The following DCLK1 variants were observed in gnomAD, a reference collection of about 807,000 sequenced individuals.
DCLK1 encodes serine/threonine-protein kinase DCLK1.
A neutral mutation model predicts 86.2 loss-of-function variants in DCLK1; 16 were observed. The observed-to-expected ratio is 0.19, with a 90% CI of 0.13 to 0.28. The LOEUF is 0.28. Ranked by LOEUF, DCLK1 falls within the 10% of genes least tolerant of loss-of-function variation. The pLI, the probability that DCLK1 is intolerant of heterozygous loss-of-function variation, is 1.00. For synonymous variants in DCLK1, 369 were observed against 370.5 expected, an observed-to-expected ratio of 1.00 and a Z score of 0.05; for missense variants, 590 against 940.2, an observed-to-expected ratio of 0.63 and a Z score of 4.87.
chr13:35,832,038 G>A (rs199960869), intron 8 of DCLK1, among the ~76,000 whole-genome samples: 9 of 152,180 alleles, frequency 5.9e-5, no homozygotes, highest in South Asian at 4.1e-4. Context: ...CACACCTGTC[G>A]TCCCAGCATT....
chr13:36,125,988 GAGCGTCTGC>G lies in DCLK1; in HGVS notation c.141_149del (p.Gln48_Leu50del). 1.2e-6 allele frequency: 2 copies of G among 1,614,176 alleles called. No individual in the cohort carries two copies. Among genetic ancestry groups the G allele is most frequent in the Non-Finnish European group, 1.7e-6 (2 of 1,180,038 alleles). ...CTTTCTTGGCCTTCTTCTCGGAGCTGAGCGTCTGCAGCGTGCGGGTGCGGTAGAAGCTGC... is the reference window on the plus strand; with the variant it reads ...CTTTCTTGGCCTTCTTCTCGGAGCTGAGCGTGCGGGTGCGGTAGAAGCTGC... On this transcript the variant is annotated inframe_deletion, in exon 2 of 17. Transcript: ENST00000360631.
intron 3 of DCLK1, among the ~76,000 whole-genome samples, chr13:35,996,122 C>T (rs1385526507): frequency 6.6e-6 from 1 of 151,976 alleles, no homozygotes; most frequent in East Asian, 1.9e-4. Flanking sequence ...AGAGACGGGG[C>T]TTCACCATGT....
chr13:35,794,133 A>C (rs1197891914), intron 15 of DCLK1, among the ~76,000 whole-genome samples: 1 of 152,254 alleles, frequency 6.6e-6, no homozygotes, highest in African/African-American at 2.4e-5. Context: ...CTGAGGCTGG[A>C]CACATGGTTC....
chr13:35,854,410 G>A, intron 6 of DCLK1, 89 bp downstream of exon 6: 1 of 1,056,102 alleles, frequency 9.5e-7, no homozygotes, highest in Non-Finnish European at 1.3e-6. Context: ...ATATCGCCTA[G>A]AGACGAGCAG....
chr13:35,865,301 T>C (rs1871712222), intron 5 of DCLK1, among the ~76,000 whole-genome samples: 1 of 151,734 alleles, frequency 6.6e-6, no homozygotes, highest in Admixed American at 6.6e-5. Flanking sequence ...AGATCTGTGT[T>C]CCAAATATAT....
At chr13:36,119,974 G>C (rs1026962949) in intron 2 of DCLK1, among the ~76,000 whole-genome samples, 13 of 152,168 alleles carry the variant, frequency 8.5e-5, no homozygotes, top group African/African-American at 3.1e-4. Context: ...TCCTATCTCT[G>C]TGATACTTGT....
In DCLK1 at chr13:36,111,962, A is replaced by C; in HGVS notation, c.630T>G (p.Ala210=). ...CGGTGAGGACCTGCTCAAAGGAATG[A>C]GCCGTTTTCTTGTTCAGCAGAATCC... ...AVRILLNKKT[A]HSFEQVLTDI... Residue 210 remains alanine, a synonymous_variant, in exon 3 of 17, where the codon GCT becomes GCG. Transcript: ENST00000360631. 1 of 1,614,234 alleles carries C rather than the reference A, an allele frequency of 6.2e-7. No individual in the cohort carries two copies. The highest frequency in any genetic ancestry group is 8.5e-7 in the Non-Finnish European group (1 of 1,180,048).
intron 4 of DCLK1, among the ~76,000 whole-genome samples, chr13:35,920,005 C>T (rs1392587846): frequency 6.6e-6 from 1 of 151,958 alleles, no homozygotes; most frequent in Non-Finnish European, 1.5e-5. Flanking sequence ...GCAATTTTCC[C>T]CTTCAAGTCC....
intron 3 of DCLK1, among the ~76,000 whole-genome samples, chr13:36,016,535 A>G (rs1398274797): frequency 6.6e-6 from 1 of 152,156 alleles, no homozygotes; most frequent in Non-Finnish European, 1.5e-5. Flanking sequence ...AGCACAGCCA[A>G]TAATTACCAA....
chr13:35,790,705 ATATTAAAT>A (rs1448869122), intron 16 of DCLK1, among the ~76,000 whole-genome samples: 3 of 152,208 alleles, frequency 2.0e-5, no homozygotes, highest in Admixed American at 6.5e-5. Context: ...ATTAATCATT[ATATTAAAT>A]TATTAAATTA....
At chr13:35,833,405 G>A (rs1224937659) in intron 8 of DCLK1, among the ~76,000 whole-genome samples, 2 of 152,040 alleles carry the variant, frequency 1.3e-5, no homozygotes, top group East Asian at 1.9e-4. Context: ...TTTGCTATGG[G>A]GCCTCAAAAT....
chr13:35,896,534 A>G (rs9531161), intron 4 of DCLK1, among the ~76,000 whole-genome samples: 2 of 51,194 alleles, frequency 3.9e-5, no homozygotes, highest in African/African-American at 1.2e-4. Context: ...GCAAAATTCC[A>G]CCTCAAAAAA....
At chr13:35,853,228 T>C (rs1414541777) in intron 6 of DCLK1, among the ~76,000 whole-genome samples, 2 of 152,076 alleles carry the variant, frequency 1.3e-5, no homozygotes, top group Non-Finnish European at 2.9e-5. Flanking sequence ...CAAATGGAGG[T>C]AGAATGGAAT....
At chr13:35,845,939 G>GT (rs1391722241) in intron 6 of DCLK1, 1 of 985,252 alleles carries the variant, frequency 1.0e-6, no homozygotes, top group South Asian at 4.7e-5. Flanking sequence ...TTCTAAGGTG[G>GT]TAAGTGTCAC....
At position 35,770,229 on chromosome 13, in the gene DCLK1, T is replaced by G. The variant is rs955116181; in HGVS notation, c.*4306A>C. The G allele has an allele frequency of 6.6e-6, 1 of 152,236 alleles. No homozygotes were observed. The highest frequency in any genetic ancestry group is 1.5e-5 in the Non-Finnish European group (1 of 68,042). 9.4% of individuals were successfully genotyped at this position (152,236 alleles called of 1,614,324 possible). On this transcript the variant is annotated 3_prime_UTR_variant, in exon 17 of 17. Coordinates refer to ENST00000360631, the MANE Select transcript of DCLK1 (RefSeq NM_001330071.2). ...GTTACCGTTTCATGTGTAAGCACCATTGAACCAATTTTTAAAGCACATTTG... is the reference window on the plus strand; with the variant it reads ...GTTACCGTTTCATGTGTAAGCACCAGTGAACCAATTTTTAAAGCACATTTG...
intron 1 of DCLK1, among the ~76,000 whole-genome samples, chr13:36,126,579 G>T (rs1886197542): frequency 6.6e-6 from 1 of 152,084 alleles, no homozygotes; most frequent in Non-Finnish European, 1.5e-5. Flanking sequence ...GATTTCAAAG[G>T]GTCTGCTTCA....
At chr13:36,111,169 G>A (rs1401511791) in intron 3 of DCLK1, among the ~76,000 whole-genome samples, 4 of 151,870 alleles carry the variant, frequency 2.6e-5, no homozygotes, top group Admixed American at 1.3e-4. Flanking sequence ...CACCATCAAG[G>A]TTCTGTCAAA....
At chr13:35,940,707 T>C (rs769723060) in intron 4 of DCLK1, among the ~76,000 whole-genome samples, 20 of 152,280 alleles carry the variant, frequency 1.3e-4, no homozygotes, top group Non-Finnish European at 2.5e-4. Flanking sequence ...CTTCTAGAGA[T>C]TCCCTCCAGA....
At chr13:36,130,200 C>T (rs1886316172) in intron 1 of DCLK1, among the ~76,000 whole-genome samples, 1 of 152,176 alleles carries the variant, frequency 6.6e-6, no homozygotes, top group African/African-American at 2.4e-5. Context: ...ATCCATGTGA[C>T]ATTTCATACT....
Sources: gnomAD v4.1 joint callset for allele counts (sites outside exome capture counted in the v4.1 genomes callset) on GRCh38, gnomAD v4.1.1 for gene constraint, MANE v1.5 for transcripts, NCBI Gene and HGNC (gene_info 2026-07-23, HGNC 2026-07-21) for gene names.